DGKB: variants seen among roughly 807,000 people sequenced by gnomAD.
DGKB encodes diacylglycerol kinase beta, also known as 90 kDa diacylglycerol kinase.
A neutral mutation model predicts 114.3 loss-of-function variants in DGKB; 67 were observed. That is an observed-to-expected ratio of 0.59 (90% confidence interval 0.48 to 0.72). DGKB has a LOEUF of 0.72. DGKB is among the 30% of genes least tolerant of loss of function. The probability of loss-of-function intolerance (pLI) is 0.00; values close to 1 mark genes in which losing one functional copy is unlikely to be tolerated. For synonymous variants in DGKB, 398 were observed against 323.1 expected (o/e 1.23, Z -2.49); for missense variants, 907 against 975.2 (o/e 0.93, Z 0.93).
chr7:14,233,337 T>C (rs564799429), intron 23 of DGKB, among the ~76,000 whole-genome samples: 1 of 152,218 alleles, frequency 6.6e-6, no homozygotes, highest in East Asian at 1.9e-4. Flanking sequence ...AAAGTCTCTC[T>C]GTCTCTCTTT....
At chr7:14,841,122 T>C (rs539808642) in intron 2 of DGKB, 72 bp downstream of exon 2, 17 of 1,327,958 alleles carry the variant, frequency 1.3e-5, no homozygotes, top group Non-Finnish European at 1.4e-5. Flanking sequence ...CTATGATCCA[T>C]TCTTATAAAT....
chr7:14,712,761 T>C (rs1219587839), intron 6 of DGKB, among the ~76,000 whole-genome samples: 2 of 151,994 alleles, frequency 1.3e-5, no homozygotes, highest in Non-Finnish European at 2.9e-5. Context: ...TTGTTTGGCC[T>C]GGTGAGCCTA....
At chr7:14,369,403 T>G (rs1817246865) in intron 21 of DGKB, among the ~76,000 whole-genome samples, 1 of 152,168 alleles carries the variant, frequency 6.6e-6, no homozygotes. Context: ...GTGTTTATAG[T>G]AGAATGATTT....
At chr7:14,842,931 A>G (rs1245977224) in intron 1 of DGKB, among the ~76,000 whole-genome samples, 7 of 152,208 alleles carry the variant, frequency 4.6e-5, no homozygotes. Context: ...GATTAAGGCC[A>G]GGCAGGTGGC....
intron 21 of DGKB, among the ~76,000 whole-genome samples, chr7:14,413,569 G>C (rs758813350): frequency 1.3e-5 from 2 of 152,032 alleles, no homozygotes; most frequent in Admixed American, 6.6e-5. Flanking sequence ...CAAGTCTTGA[G>C]GTATTCCAGG....
At chr7:14,926,582 A>G (rs1336376448) in intron 1 of DGKB, among the ~76,000 whole-genome samples, 2 of 151,166 alleles carry the variant, frequency 1.3e-5, no homozygotes, top group Non-Finnish European at 1.5e-5. Flanking sequence ...CCATATTTCA[A>G]GATTTTTTTT....
At chr7:14,410,989 TG>T (rs1824776070) in intron 21 of DGKB, among the ~76,000 whole-genome samples, 1 of 152,172 alleles carries the variant, frequency 6.6e-6, no homozygotes, top group African/African-American at 2.4e-5. Flanking sequence ...AAACCTTACT[TG>T]AAGTCTTGAA....
intron 23 of DGKB, among the ~76,000 whole-genome samples, chr7:14,323,636 C>G (rs1808216993): frequency 1.3e-5 from 2 of 152,224 alleles, no homozygotes; most frequent in Admixed American, 1.3e-4. Context: ...TAAGAATATT[C>G]CAGGCAGAGA....
intron 1 of DGKB, among the ~76,000 whole-genome samples, chr7:14,847,497 G>A (rs1005692367): frequency 2.0e-5 from 3 of 152,144 alleles, no homozygotes; most frequent in Non-Finnish European, 2.9e-5. Context: ...ATAATTGCTT[G>A]TTCATTTAAC....
At chr7:14,822,621 T>A (rs1237470525) in intron 2 of DGKB, among the ~76,000 whole-genome samples, 1 of 152,146 alleles carries the variant, frequency 6.6e-6, no homozygotes, top group African/African-American at 2.4e-5. Context: ...TTGGTCAAGC[T>A]GTTGTTATAT....
intron 21 of DGKB, among the ~76,000 whole-genome samples, chr7:14,440,913 T>C (rs1830001598): frequency 6.6e-6 from 1 of 152,198 alleles, no homozygotes; most frequent in African/African-American, 2.4e-5. Context: ...TTTAGTATTC[T>C]GATAGCTGTG....
At chr7:14,821,474 CAT>C (rs1844921322) in intron 2 of DGKB, among the ~76,000 whole-genome samples, 1 of 152,036 alleles carries the variant, frequency 6.6e-6, no homozygotes, top group South Asian at 2.1e-4. Flanking sequence ...AGAGAGGTCT[CAT>C]AGAGGGGCTG....
intron 23 of DGKB, among the ~76,000 whole-genome samples, chr7:14,205,331 G>C (rs948764891): frequency 2.0e-5 from 3 of 151,720 alleles, no homozygotes; most frequent in African/African-American, 2.4e-5. Context: ...TTGTTCTTGA[G>C]ACCCACCCAC....
At chr7:14,724,318 T>C (rs1829700570) in intron 5 of DGKB, among the ~76,000 whole-genome samples, 1 of 152,192 alleles carries the variant, frequency 6.6e-6, no homozygotes. Context: ...ACTTAATCTT[T>C]CAACTATGCT....
chr7:14,901,605 A>ACCCCCCCCCCCCCCCCCCCCT (rs1300363624), intron 1 of DGKB, among the ~76,000 whole-genome samples: 1 of 123,094 alleles, frequency 8.1e-6, no homozygotes, highest in Admixed American at 8.7e-5. Flanking sequence ...AGGGATTTCC[A>ACCCCCCCCCCCCCCCCCCCCT]CCCCCCCCCA....
intron 20 of DGKB, among the ~76,000 whole-genome samples, chr7:14,511,058 G>C (rs1280605662): frequency 6.6e-6 from 1 of 152,084 alleles, no homozygotes; most frequent in African/African-American, 2.4e-5. Context: ...ATTATTAAGG[G>C]TCCTAGGATC....
At chr7:14,299,143 A>G (rs1479335605) in intron 23 of DGKB, among the ~76,000 whole-genome samples, 5 of 152,050 alleles carry the variant, frequency 3.3e-5, no homozygotes, top group Non-Finnish European at 7.4e-5. Context: ...TATAATAGTA[A>G]CCAATCCTCA....
chr7:14,361,431 A>G (rs1279727465), intron 21 of DGKB, among the ~76,000 whole-genome samples: 1 of 152,048 alleles, frequency 6.6e-6, no homozygotes, highest in Admixed American at 6.6e-5. Flanking sequence ...TAAATCAATT[A>G]TTATTTAGAT....
At chr7:14,804,236 A>AT (rs1420701895) in intron 2 of DGKB, among the ~76,000 whole-genome samples, 1 of 151,528 alleles carries the variant, frequency 6.6e-6, no homozygotes, top group African/African-American at 2.4e-5. Flanking sequence ...ATTTTGGATT[A>AT]TTTTTCCATT....
Sources: allele counts gnomAD v4.1 joint callset (sites outside exome capture counted in the v4.1 genomes callset), GRCh38; gene constraint gnomAD v4.1.1; transcripts MANE v1.5; gene names NCBI Gene and HGNC (gene_info 2026-07-23, HGNC 2026-07-21).